The following AFAP1 variants were observed in gnomAD, a reference collection of about 807,000 sequenced individuals.
The protein encoded by AFAP1 is actin filament associated protein 1, also known as actin filament-associated protein 1.
Under a neutral mutation model 93.9 loss-of-function variants are expected in AFAP1, and 75 were observed. That is an observed-to-expected ratio of 0.80 (90% confidence interval 0.66 to 0.97). The LOEUF (loss-of-function observed/expected upper bound fraction) is 0.97. AFAP1 is among the 50% of genes least tolerant of loss of function. The pLI is 0.00. For missense variants in AFAP1, 1,201 were observed against 1,050.8 expected (o/e 1.14, Z -1.98); for synonymous variants, 517 against 430.7 (o/e 1.20, Z -2.48).
rs919611323 is a variant in AFAP1, at chr4:7,759,002, G to A, written c.*4763C>T. On this transcript the variant is annotated 3_prime_UTR_variant, in exon 18 of 18. Coordinates refer to ENST00000420658, the MANE Select transcript of AFAP1 (RefSeq NM_001134647.2). Reference sequence around the variant, plus strand: ...TTAAAAAAATCTTTGCTGTTTCTTTGCCTGTTTCTTTCAAAGAGAATTTTA... The same window carrying A: ...TTAAAAAAATCTTTGCTGTTTCTTTACCTGTTTCTTTCAAAGAGAATTTTA... 35 of 152,414 alleles carry A rather than the reference G, an allele frequency of 2.3e-4. No individual in the cohort carries two copies. The highest frequency in any genetic ancestry group is 8.2e-4 in the African/African-American group (34 of 41,394). 9.4% of individuals were successfully genotyped at this position (152,414 alleles called of 1,614,324 possible).
At chr4:7,860,075 C>T (rs577258757) in intron 3 of AFAP1, among the ~76,000 whole-genome samples, 5 of 151,956 alleles carry the variant, frequency 3.3e-5, no homozygotes, top group East Asian at 1.9e-4. Flanking sequence ...CCCGGGAAGT[C>T]GAGGCTGCAG....
chr4:7,869,052 AAG>A (rs1354436290), intron 2 of AFAP1, among the ~76,000 whole-genome samples: 3 of 151,726 alleles, frequency 2.0e-5, no homozygotes, highest in East Asian at 1.9e-4. Flanking sequence ...AGAAAAGAGA[AAG>A]AGAAAGGGAA....
In AFAP1 at chr4:7,876,247, G is replaced by A. The variant is rs115190291; in HGVS notation, c.-2-4167C>T. 5.9e-3 allele frequency among the ~76,000 whole-genome samples: 903 copies of A among 152,276 alleles called. 7 individuals are homozygous for A. The highest frequency in any genetic ancestry group is 0.019 in the African/African-American group (789 of 41,552). ...ACCCTCCAGAGCCTGGGAGTTTGTCGTGGCCCTGGCCAAGGTATCTGCCCA... is the reference window on the plus strand; with the variant it reads ...ACCCTCCAGAGCCTGGGAGTTTGTCATGGCCCTGGCCAAGGTATCTGCCCA... On this transcript the variant is annotated intron_variant, in intron 1 of 17. Coordinates refer to ENST00000420658, the MANE Select transcript of AFAP1 (RefSeq NM_001134647.2).
chr4:7,863,673 G>A (rs536032828), intron 3 of AFAP1, among the ~76,000 whole-genome samples: 5 of 152,200 alleles, frequency 3.3e-5, no homozygotes, highest in African/African-American at 1.2e-4. Flanking sequence ...GTGGAAAGAC[G>A]CACCATGTCA....
rs181302962 is a variant in AFAP1, at chr4:7,890,278, A to G, written c.-2-18198T>C. Among the ~76,000 whole-genome samples, 211 of 152,062 alleles carry G rather than the reference A, an allele frequency of 1.4e-3. 2 individuals carry two copies. The highest frequency in any genetic ancestry group is 7.1e-4 in the Non-Finnish European group (48 of 67,976). ...AAGATGCCAAGATAATGCAATGGGG[A>G]AAAAAAACAGTCCTTGGAACAAATG... On this transcript the variant is annotated intron_variant, in intron 1 of 17. Transcript: ENST00000420658.
At chr4:7,861,353 G>A (rs145877248) in intron 3 of AFAP1, among the ~76,000 whole-genome samples, 1,549 of 152,324 alleles carry the variant, frequency 0.01, 11 homozygotes, top group South Asian at 0.032. Context: ...CCATGCCGCT[G>A]AAGGAAACTG....
intron 16 of AFAP1, among the ~76,000 whole-genome samples, chr4:7,771,740 CTGGGTTT>C (rs1353365000): frequency 6.6e-6 from 1 of 152,278 alleles, no homozygotes; most frequent in Admixed American, 6.5e-5. Context: ...GCATGAGTGG[CTGGGTTT>C]GTGGTTTGGG....
At chr4:7,886,722 T>C (rs959140991) in intron 1 of AFAP1, among the ~76,000 whole-genome samples, 4 of 152,192 alleles carry the variant, frequency 2.6e-5, no homozygotes, top group Non-Finnish European at 5.9e-5. Context: ...CTGGGTATGT[T>C]TTTTGCTTAT....
chr4:7,829,895 T>C (rs531705051), intron 6 of AFAP1, among the ~76,000 whole-genome samples: 3 of 152,266 alleles, frequency 2.0e-5, no homozygotes, highest in South Asian at 2.1e-4. Flanking sequence ...CCAGCAAAAG[T>C]GTGAGATGAG....
chr4:7,919,266 G>A (rs1720302851), intron 1 of AFAP1, among the ~76,000 whole-genome samples: 1 of 152,230 alleles, frequency 6.6e-6, no homozygotes, highest in African/African-American at 2.4e-5. Flanking sequence ...GAAAGCCGAA[G>A]CCTGGCTAGC....
chr4:7,842,329 A>T (rs1713129154), intron 5 of AFAP1, among the ~76,000 whole-genome samples: 1 of 151,466 alleles, frequency 6.6e-6, no homozygotes, highest in Admixed American at 6.6e-5. Flanking sequence ...AAAAGATAAA[A>T]AAAGGATTAT....
chr4:7,800,903 G>A (rs1467438302), intron 9 of AFAP1, among the ~76,000 whole-genome samples: 2 of 152,144 alleles, frequency 1.3e-5, no homozygotes, highest in Non-Finnish European at 2.9e-5. Context: ...CATGTGCAAC[G>A]AACCAGTTAC....
chr4:7,931,056 TCA>T (rs1721037117), intron 1 of AFAP1, among the ~76,000 whole-genome samples: 1 of 152,262 alleles, frequency 6.6e-6, no homozygotes, highest in East Asian at 1.9e-4. Flanking sequence ...GGCCTCACTA[TCA>T]CAATAATTAT....
At chr4:7,927,502 T>C (rs1322567710) in intron 1 of AFAP1, among the ~76,000 whole-genome samples, 4 of 152,316 alleles carry the variant, frequency 2.6e-5, no homozygotes, top group African/African-American at 9.6e-5. Context: ...CGGACACGTA[T>C]TGAACACAGT....
chr4:7,769,027 C>A lies in AFAP1; in HGVS notation c.2254-19G>T, dbSNP rs201575113. ...CTGGAGACTTAACGGAGAGAGAGAACCCCATGTGATGAGCGGTTTCTGGGC... is the reference window on the plus strand; with the variant it reads ...CTGGAGACTTAACGGAGAGAGAGAAACCCATGTGATGAGCGGTTTCTGGGC... On this transcript the variant is annotated intron_variant, in intron 16 of 17. Coordinates refer to ENST00000420658, the MANE Select transcript of AFAP1 (RefSeq NM_001134647.2). 1,032 of 1,576,800 alleles carry A rather than the reference C, an allele frequency of 6.5e-4. No individual in the cohort carries two copies. Among genetic ancestry groups the A allele is most frequent in the Non-Finnish European group, 8.5e-4 (979 of 1,154,942 alleles).
chr4:7,845,240 T>C lies in AFAP1; in HGVS notation c.335-1890A>G, dbSNP rs556616918. Among the ~76,000 whole-genome samples, 11 of 151,882 alleles carry C rather than the reference T, an allele frequency of 7.2e-5. No individual in the cohort carries two copies. The South Asian group carries it at 1.5e-3, about 20-fold the overall frequency. On this transcript the variant is annotated intron_variant, in intron 4 of 17. Coordinates refer to ENST00000420658, the MANE Select transcript of AFAP1 (RefSeq NM_001134647.2). Reference sequence around the variant, plus strand: ...AGTTCAAGACCAAGCCTGGGCAACATAGCGAGACCCTATCTCTATAAAAAG... The same window carrying C: ...AGTTCAAGACCAAGCCTGGGCAACACAGCGAGACCCTATCTCTATAAAAAG...
intron 3 of AFAP1, among the ~76,000 whole-genome samples, chr4:7,864,758 GA>G (rs539621526): frequency 6.6e-6 from 1 of 152,060 alleles, no homozygotes; most frequent in African/African-American, 2.4e-5. Context: ...ATAAACCAAT[GA>G]AAAAAATGAG....
At chr4:7,847,178 G>A (rs936017319) in intron 4 of AFAP1, among the ~76,000 whole-genome samples, 1 of 151,586 alleles carries the variant, frequency 6.6e-6, no homozygotes, top group Non-Finnish European at 1.5e-5. Context: ...AGAACTCTCT[G>A]GAAAGTATGC....
chr4:7,864,164 C>CACCTTCCCAACCTCCCATCACAACACCTT (rs1314891559), intron 3 of AFAP1, among the ~76,000 whole-genome samples: 1 of 151,914 alleles, frequency 6.6e-6, no homozygotes, highest in African/African-American at 2.4e-5. Flanking sequence ...CTCATCACAA[C>CACCTTCCCAACCTCCCATCACAACACCTT]CCACAGGTCC....
Sources: allele counts gnomAD v4.1 joint callset (sites outside exome capture counted in the v4.1 genomes callset), GRCh38; gene constraint gnomAD v4.1.1; transcripts MANE v1.5; gene names NCBI Gene and HGNC (gene_info 2026-07-23, HGNC 2026-07-21).